Variants in CCDC30 observed in about 807,000 individuals in gnomAD.
CCDC30 encodes the protein coiled-coil domain-containing protein 30.
Under a neutral mutation model 100.2 loss-of-function variants are expected in CCDC30, and 70 were observed. That is an observed-to-expected ratio of 0.70 (90% CI 0.58 to 0.85). The LOEUF is 0.85. Among genes scored for constraint, CCDC30 ranks in the 40% least tolerant of loss-of-function variants. The pLI is 0.00. For synonymous variants in CCDC30, 233 were observed against 269.5 expected (o/e 0.86, Z 1.33); for missense variants, 652 against 771.2 (o/e 0.85, Z 1.83).
chr1:42,529,081 C>A (rs1250516661), intron 6 of CCDC30, among the ~76,000 whole-genome samples: 20 of 152,262 alleles, frequency 1.3e-4, no homozygotes, highest in African/African-American at 4.6e-4. Flanking sequence ...TCTAATAATC[C>A]TTTCACTTAC....
chr1:42,512,425 C>G (rs1644492131), intron 6 of CCDC30, among the ~76,000 whole-genome samples: 1 of 152,170 alleles, frequency 6.6e-6, no homozygotes, highest in African/African-American at 2.4e-5. Context: ...AGACTAAGGG[C>G]AGGGAGTGAC....
At chr1:42,631,508 G>A (rs1017055372) in intron 11 of CCDC30, among the ~76,000 whole-genome samples, 2 of 152,110 alleles carry the variant, frequency 1.3e-5, no homozygotes, top group Non-Finnish European at 2.9e-5. Context: ...CAAGTCCCTG[G>A]GCTCCGCAAT....
intron 15 of CCDC30, among the ~76,000 whole-genome samples, chr1:42,652,231 C>G (rs528620915): frequency 7.9e-5 from 12 of 152,120 alleles, no homozygotes; most frequent in African/African-American, 2.9e-4. Flanking sequence ...AAACAAATAC[C>G]ACATCTTCTC....
intron 2 of CCDC30, among the ~76,000 whole-genome samples, chr1:42,481,883 A>G (rs1354677426): frequency 6.6e-6 from 1 of 152,208 alleles, no homozygotes; most frequent in African/African-American, 2.4e-5. Context: ...GAGTACAGAA[A>G]TAATGTTATA....
intron 4 of CCDC30, 108 bp downstream of exon 4, chr1:42,490,337 G>A: frequency 2.4e-6 from 1 of 408,472 alleles, no homozygotes; most frequent in Non-Finnish European, 4.1e-6. Flanking sequence ...GTTGGAGGTT[G>A]CAGTGAGCCA....
At chr1:42,644,644 T>C (rs1403086189) in intron 13 of CCDC30, 49 bp from the exon 18 acceptor site, 2 of 1,176,534 alleles carry the variant, frequency 1.7e-6, no homozygotes, top group East Asian at 2.3e-5. Context: ...GGGTTTTTAG[T>C]AATGATACAG....
At chr1:42,460,273 G>C (rs952373140), upstream of CCDC30, 8 of 1,016,132 alleles carry the variant, frequency 7.9e-6, no homozygotes, top group Non-Finnish European at 9.4e-6. Context: ...ATCAAATATT[G>C]GTTGAATGCC....
chr1:42,510,241 T>C (rs1180949002), intron 6 of CCDC30: 1 of 495,944 alleles, frequency 2.0e-6, no homozygotes, highest in Non-Finnish European at 2.6e-6. Flanking sequence ...TGACCTACCA[T>C]AGGAGACAGA....
chr1:42,655,504 A>G (rs1648627655), downstream of CCDC30, among the ~76,000 whole-genome samples: 1 of 152,108 alleles, frequency 6.6e-6, no homozygotes, highest in Non-Finnish European at 1.5e-5. Flanking sequence ...CCGAGACTGC[A>G]CCAGTGCACT....
chr1:42,613,549 C>G (rs6658145), intron 11 of CCDC30, among the ~76,000 whole-genome samples: 1 of 152,108 alleles, frequency 6.6e-6, no homozygotes, highest in African/African-American at 2.4e-5. Context: ...CCACCGTGCC[C>G]GGCCTATTCA....
the CCDC30 span, chr1:42,456,826 C>G: frequency 6.2e-7 from 1 of 1,613,498 alleles, no homozygotes; most frequent in South Asian, 1.1e-5. Context: ...ATCGCGCTCG[C>G]TCTGCCTTCC....
intron 10 of CCDC30, among the ~76,000 whole-genome samples, chr1:42,608,371 C>T (rs1218575879): frequency 2.0e-5 from 3 of 152,308 alleles, no homozygotes; most frequent in East Asian, 1.9e-4. Flanking sequence ...GTGACAGGCA[C>T]GGACATGCCA....
At chr1:42,477,603 A>G (rs1643898495) in intron 1 of CCDC30, among the ~76,000 whole-genome samples, 1 of 152,220 alleles carries the variant, frequency 6.6e-6, no homozygotes, top group Admixed American at 6.5e-5. Context: ...TTTCCCTAGC[A>G]TGTTAATGAT....
At chr1:42,513,338 A>G (rs997073513) in intron 6 of CCDC30, among the ~76,000 whole-genome samples, 1 of 152,210 alleles carries the variant, frequency 6.6e-6, no homozygotes, top group African/African-American at 2.4e-5. Context: ...ATGTAGGGCC[A>G]ACAGATTGTC....
downstream of CCDC30, among the ~76,000 whole-genome samples, chr1:42,656,519 T>C (rs912808863): frequency 1.3e-5 from 2 of 152,150 alleles, no homozygotes; most frequent in Admixed American, 6.5e-5. Flanking sequence ...TAGTCCCTGC[T>C]ATGCGGGAGG....
At chr1:42,458,899 A>G (rs1643320603), upstream of CCDC30, among the ~76,000 whole-genome samples, 1 of 152,234 alleles carries the variant, frequency 6.6e-6, no homozygotes, top group Admixed American at 6.5e-5. Flanking sequence ...CATTCTACCA[A>G]TGCAAGAAAT....
At chr1:42,519,898 A>C (rs1364396059) in intron 6 of CCDC30, among the ~76,000 whole-genome samples, 3 of 152,184 alleles carry the variant, frequency 2.0e-5, no homozygotes, top group Non-Finnish European at 4.4e-5. Context: ...TCCAGTTTCT[A>C]GATATGCAAT....
intron 16 of CCDC30, 56 bp from the exon 21 acceptor site, chr1:42,653,762 G>A (rs1648546508): frequency 1.2e-5 from 16 of 1,367,560 alleles, no homozygotes; most frequent in Middle Eastern, 3.6e-4. Context: ...CTGTAACCCC[G>A]AACTGCTACC....
At chr1:42,513,162 G>A (rs1644505391) in intron 6 of CCDC30, among the ~76,000 whole-genome samples, 1 of 152,152 alleles carries the variant, frequency 6.6e-6, no homozygotes. Flanking sequence ...TAAGGACATG[G>A]ACATACATGG....
Sources: allele counts gnomAD v4.1 joint callset (sites outside exome capture counted in the v4.1 genomes callset), GRCh38; gene constraint gnomAD v4.1.1; transcripts MANE v1.5; gene names NCBI Gene and HGNC (gene_info 2026-07-23, HGNC 2026-07-21).